POU6F2: variants seen among roughly 807,000 people sequenced by gnomAD.
The protein encoded by POU6F2 is POU domain, class 6, transcription factor 2.
Under a neutral mutation model 71.3 loss-of-function variants are expected in POU6F2, and 31 were observed. That is an observed-to-expected ratio of 0.43 (90% CI 0.33 to 0.59). POU6F2 has a LOEUF of 0.59. Ranked by LOEUF, POU6F2 falls within the 20% of genes least tolerant of loss-of-function variation. POU6F2 has a pLI of 0.04. For missense variants in POU6F2, 783 were observed against 856.8 expected, an observed-to-expected ratio of 0.91 and a Z score of 1.07; for synonymous variants, 347 against 355.7, an observed-to-expected ratio of 0.98 and a Z score of 0.27.
chr7:39,177,682 C>A (rs1793357365), intron 2 of POU6F2, among the ~76,000 whole-genome samples: 1 of 152,170 alleles, frequency 6.6e-6, no homozygotes, highest in Admixed American at 6.5e-5. Flanking sequence ...TGAGCTTGGA[C>A]TCAGAGAGAC....
chr7:39,440,261 A>G lies in POU6F2; in HGVS notation c.1320+6978A>G, dbSNP rs549244274. Reference sequence around the variant, plus strand: ...TAGGTTGGGGAAGTTCTCCTGGATGATATCCTGAAGTGTGTTTTCCAGCGT... The same window carrying G: ...TAGGTTGGGGAAGTTCTCCTGGATGGTATCCTGAAGTGTGTTTTCCAGCGT... On this transcript the variant is annotated intron_variant, in intron 7 of 9. Transcript: ENST00000518318. Among the ~76,000 whole-genome samples the G allele has an allele frequency of 8.4e-3, 1,281 of 152,236 alleles. 17 individuals are homozygous for G. The highest frequency in any genetic ancestry group is 0.029 in the African/African-American group (1,195 of 41,540).
chr7:39,066,617 G>A (rs1562692249), intron 1 of POU6F2, among the ~76,000 whole-genome samples: 1 of 151,090 alleles, frequency 6.6e-6, no homozygotes, highest in Non-Finnish European at 1.5e-5. Flanking sequence ...CAGGTATGGA[G>A]GAAATGACAA....
chr7:39,323,620 A>T (rs983178180), intron 4 of POU6F2, among the ~76,000 whole-genome samples: 1 of 152,190 alleles, frequency 6.6e-6, no homozygotes, highest in African/African-American at 2.4e-5. Context: ...TGGGCTGAGC[A>T]CTATGGTTTA....
Position 39,451,395 on chromosome 7 carries a change from G to A in POU6F2, c.1321-138G>A, listed in dbSNP as rs1003704206. 3.8e-5 allele frequency: 32 copies of A among 845,788 alleles called. No individual in the cohort carries two copies. In the Middle Eastern group the frequency reaches 1.1e-3, roughly 28 times the overall value. 52.4% of individuals were successfully genotyped at this position (845,788 alleles called of 1,614,324 possible). ...AAAAAAAAAAATGACTGCCTGCTGT[G>A]TAGGGTGCGCACTCTTCCTGAGAAG... On this transcript the variant is annotated intron_variant, in intron 7 of 9. Coordinates refer to ENST00000518318, the MANE Select transcript of POU6F2 (RefSeq NM_001370959.1).
intron 1 of POU6F2, among the ~76,000 whole-genome samples, chr7:39,018,025 A>G (rs1441075698): frequency 2.0e-5 from 3 of 152,122 alleles, no homozygotes; most frequent in African/African-American, 7.2e-5. Context: ...TAGCAAACTT[A>G]CGGTGATAGC....
At chr7:39,013,189 GC>G (rs1325362647) in intron 1 of POU6F2, 2 of 156,086 alleles carry the variant, frequency 1.3e-5, no homozygotes, top group South Asian at 2.0e-4. Flanking sequence ...GACTCTGTGG[GC>G]GTAGGACCCT....
intron 4 of POU6F2, among the ~76,000 whole-genome samples, chr7:39,329,857 A>C (rs1413369661): frequency 6.6e-6 from 1 of 152,224 alleles, no homozygotes; most frequent in Non-Finnish European, 1.5e-5. Flanking sequence ...CTTACTTTAT[A>C]AGGTTGTTGA....
chr7:39,066,311 T>G (rs1790752624), intron 1 of POU6F2, among the ~76,000 whole-genome samples: 1 of 151,752 alleles, frequency 6.6e-6, no homozygotes, highest in South Asian at 2.1e-4. Context: ...AGCATTCCAA[T>G]TAAAATCAAG....
In POU6F2 at chr7:39,188,091, T is replaced by C. The variant is rs184769444; in HGVS notation, c.278-16144T>C. Among the ~76,000 whole-genome samples, 281 of 152,316 alleles carry C rather than the reference T, an allele frequency of 1.8e-3. 4 individuals are homozygous for C. The highest frequency in any genetic ancestry group is 6.4e-3 in the African/African-American group (267 of 41,566). Reference sequence around the variant, plus strand: ...ATTGATAATGACAGCCAACATTTGTTGAGTATTTATTATGTTCCAGGCACA... The same window carrying C: ...ATTGATAATGACAGCCAACATTTGTCGAGTATTTATTATGTTCCAGGCACA... On this transcript the variant is annotated intron_variant, in intron 2 of 9. Coordinates refer to ENST00000518318, the MANE Select transcript of POU6F2 (RefSeq NM_001370959.1).
intron 1 of POU6F2, among the ~76,000 whole-genome samples, chr7:38,996,811 G>A (rs17176375): frequency 0.072 from 10,933 of 152,136 alleles, 541 homozygotes; most frequent in Non-Finnish European, 0.1. Flanking sequence ...GCTTATATCC[G>A]CAAAGGCTGA....
chr7:39,109,459 A>G (rs150058843), intron 2 of POU6F2, among the ~76,000 whole-genome samples: 2 of 152,170 alleles, frequency 1.3e-5, no homozygotes, highest in Non-Finnish European at 2.9e-5. Context: ...GTCTCACCTG[A>G]GTTGGTCTTT....
chr7:39,270,802 ACAGAATCAAAC>A (rs1238342388), intron 4 of POU6F2, among the ~76,000 whole-genome samples: 2 of 152,190 alleles, frequency 1.3e-5, no homozygotes, highest in Non-Finnish European at 2.9e-5. Context: ...CTCCTAGATT[ACAGAATCAAAC>A]CACCAATATT....
chr7:39,040,695 TA>T (rs1790174815), intron 1 of POU6F2, among the ~76,000 whole-genome samples: 1 of 152,110 alleles, frequency 6.6e-6, no homozygotes, highest in Non-Finnish European at 1.5e-5. Flanking sequence ...AATCATTTAT[TA>T]TTTTTCAATG....
intron 7 of POU6F2, among the ~76,000 whole-genome samples, chr7:39,445,526 T>A (rs757609594): frequency 1.3e-5 from 2 of 152,214 alleles, no homozygotes; most frequent in Non-Finnish European, 2.9e-5. Context: ...ATCCATTCTT[T>A]GGGGTCTGGA....
chr7:39,175,120 C>T (rs1015515660), intron 2 of POU6F2, among the ~76,000 whole-genome samples: 1 of 152,114 alleles, frequency 6.6e-6, no homozygotes, highest in African/African-American at 2.4e-5. Context: ...GGTTCTCCTC[C>T]TCTATCCATC....
intron 2 of POU6F2, among the ~76,000 whole-genome samples, chr7:39,098,542 A>T (rs1791503344): frequency 1.3e-5 from 2 of 152,024 alleles, no homozygotes; most frequent in Non-Finnish European, 2.9e-5. Flanking sequence ...TGGTCTCTCA[A>T]ACTGTTGGGA....
At chr7:39,358,873 T>TAAAA (rs10626884) in intron 5 of POU6F2, among the ~76,000 whole-genome samples, 25 of 134,384 alleles carry the variant, frequency 1.9e-4, no homozygotes, top group African/African-American at 3.0e-4. Flanking sequence ...CTTCTGTATT[T>TAAAA]AAAAAAAAAA....
intron 1 of POU6F2, among the ~76,000 whole-genome samples, chr7:39,077,783 C>T (rs914964912): frequency 6.6e-6 from 1 of 152,128 alleles, no homozygotes; most frequent in Non-Finnish European, 1.5e-5. Context: ...TGGACATTCA[C>T]CTTAACCAAA....
At chr7:39,423,164 C>T (rs945119385) in intron 6 of POU6F2, among the ~76,000 whole-genome samples, 10 of 152,160 alleles carry the variant, frequency 6.6e-5, no homozygotes, top group Middle Eastern at 3.2e-3. Context: ...AAGTCATTGA[C>T]AGTTGCAGCA....
Sources: gnomAD v4.1 joint callset for allele counts (sites outside exome capture counted in the v4.1 genomes callset) on GRCh38, gnomAD v4.1.1 for gene constraint, MANE v1.5 for transcripts, NCBI Gene and HGNC (gene_info 2026-07-23, HGNC 2026-07-21) for gene names.